The following ALPL variants were observed in gnomAD, a reference collection of about 807,000 sequenced individuals.
ALPL encodes alkaline phosphatase, tissue-nonspecific isozyme.
ALPL carries 42 observed loss-of-function variants against 51.3 expected under a neutral mutation model. The ratio of observed to expected loss-of-function variants is 0.82; its 90% CI spans 0.64 to 1.06. ALPL has a LOEUF of 1.06. Ranked by LOEUF, ALPL falls within the 50% of genes least tolerant of loss-of-function variation. ALPL has a pLI of 0.00. For missense variants in ALPL, 589 were observed against 709.4 expected (o/e 0.83, Z 1.93); for synonymous variants, 279 against 296.4 (o/e 0.94, Z 0.60).
intron 9 of ALPL, among the ~76,000 whole-genome samples, chr1:21,575,469 G>A (rs540786871): frequency 1.3e-5 from 2 of 152,080 alleles, no homozygotes; most frequent in South Asian, 2.1e-4. Context: ...ACAGCTTCCC[G>A]GCCTGGTGAA....
intron 1 of ALPL, among the ~76,000 whole-genome samples, chr1:21,517,220 C>T (rs1643817507): frequency 6.6e-6 from 1 of 152,180 alleles, no homozygotes; most frequent in Non-Finnish European, 1.5e-5. Flanking sequence ...CTGTAATGAA[C>T]ATTTAAGGGC....
chr1:21,552,270 G>A (rs1166888696), intron 1 of ALPL, among the ~76,000 whole-genome samples: 12 of 150,718 alleles, frequency 8.0e-5, no homozygotes, highest in African/African-American at 2.9e-4. Flanking sequence ...GATCACCTGA[G>A]GTCGGGAGTT....
At chr1:21,522,023 G>T (rs527841963) in intron 1 of ALPL, among the ~76,000 whole-genome samples, 9 of 151,754 alleles carry the variant, frequency 5.9e-5, no homozygotes, top group Non-Finnish European at 1.2e-4. Context: ...TCAGTTTCAT[G>T]TGTCGACTCC....
intron 1 of ALPL, among the ~76,000 whole-genome samples, chr1:21,547,581 C>A (rs925459963): frequency 6.6e-6 from 1 of 152,240 alleles, no homozygotes; most frequent in African/African-American, 2.4e-5. Flanking sequence ...CTGCCCTAAG[C>A]TCGTTCAGCT....
chr1:21,563,317 G>C lies in ALPL; in HGVS notation c.472+33G>C, dbSNP rs1241624383. 2.5e-6 allele frequency: 4 copies of C among 1,593,452 alleles called. No individual in the cohort carries two copies. In the South Asian group the frequency reaches 4.5e-5, roughly 18 times the overall value. On this transcript the variant is annotated intron_variant, in intron 5 of 11. Transcript: ENST00000374840. ...GGGGGAGCAGTGGGGAGCAGGGCCA[G>C]CTTCGTGGCCTGTCCAGGCCTCAGT...
chr1:21,535,148 A>C (rs1031155665), intron 1 of ALPL, among the ~76,000 whole-genome samples: 6 of 152,194 alleles, frequency 3.9e-5, no homozygotes, highest in Non-Finnish European at 7.3e-5. Context: ...CTAGGCATAG[A>C]AGGTGTTTAG....
chr1:21,549,889 T>C (rs1644299419), intron 1 of ALPL, among the ~76,000 whole-genome samples: 1 of 152,076 alleles, frequency 6.6e-6, no homozygotes, highest in Admixed American at 6.6e-5. Flanking sequence ...TAGGTATAAA[T>C]CTAAGAAAAC....
In ALPL at chr1:21,577,630, C is replaced by T. The variant is rs376020180; in HGVS notation, c.1557C>T (p.Pro519=). The T allele has an allele frequency of 1.1e-5, 17 of 1,598,374 alleles. No homozygotes were observed. The highest frequency in any genetic ancestry group is 2.2e-5 in the East Asian group (1 of 44,780). Residue 519 remains proline (P), a synonymous_variant, in exon 12 of 12, where the codon CCC becomes CCT. Coordinates refer to ENST00000374840, the MANE Select transcript of ALPL (RefSeq NM_000478.6). ...TGCTGCTCGCGCTGGCCCTCTACCC[C>T]CTGAGCGTCCTGTTCTGAGGGCCCA... ...GPLLLALALY[P]LSVLF
Position 21,553,075 on chromosome 1 carries a change from T to TTAAAA in ALPL, c.-104-903_-104-902insTAAAA, listed in dbSNP as rs1553410594. Among the ~76,000 whole-genome samples the TTAAAA allele has an allele frequency of 7.3e-5, 11 of 151,610 alleles. No homozygotes were observed. The South Asian group carries it at 1.2e-3, about 17-fold the overall frequency. On this transcript the variant is annotated intron_variant, in intron 1 of 11. Transcript: ENST00000374840. ...AGGCTACTTGGAAAATTCAAAAAAA[T>TTAAAA]AAAGAGGAAATAATCATTCATAGTC...
At chr1:21,526,803 G>C (rs184791038) in intron 1 of ALPL, among the ~76,000 whole-genome samples, 20 of 152,082 alleles carry the variant, frequency 1.3e-4, no homozygotes, top group Admixed American at 8.5e-4. Flanking sequence ...AATTTGTTCT[G>C]CTTTTTCTGT....
At chr1:21,569,576 G>T (rs16825590) in intron 7 of ALPL, among the ~76,000 whole-genome samples, 27,782 of 151,992 alleles carry the variant, frequency 0.18, 3,085 homozygotes, top group East Asian at 0.45. Flanking sequence ...GGCTGGGAGG[G>T]GGGGTGCGGA....
chr1:21,570,183 G>C (rs1485001357), intron 7 of ALPL, 122 bp from the exon 8 acceptor site: 3 of 965,334 alleles, frequency 3.1e-6, no homozygotes, highest in Non-Finnish European at 4.9e-6. Context: ...TGGGTCCTCA[G>C]GGAGAGATTT....
chr1:21,513,021 C>T lies in ALPL; in HGVS notation c.-105+3504C>T, dbSNP rs114273186. 1.8e-3 allele frequency among the ~76,000 whole-genome samples: 275 copies of T among 152,092 alleles called. 1 individual carries two copies. Among genetic ancestry groups the T allele is most frequent in the African/African-American group, 6.5e-3 (270 of 41,484 alleles). On this transcript the variant is annotated intron_variant, in intron 1 of 11. Transcript: ENST00000374840. ...CCAGGAGTCAGGTTTCACAAAAAGT[C>T]GTAGTGTTCTTTCCTGGCTGGTGTG...
intron 1 of ALPL, among the ~76,000 whole-genome samples, chr1:21,543,988 G>C (rs1402682080): frequency 6.6e-6 from 1 of 152,216 alleles, no homozygotes; most frequent in Non-Finnish European, 1.5e-5. Flanking sequence ...AGAGAGCTTG[G>C]CACAGGGGTG....
intron 7 of ALPL, among the ~76,000 whole-genome samples, chr1:21,568,522 T>C (rs1048821297): frequency 3.3e-5 from 5 of 151,686 alleles, no homozygotes; most frequent in African/African-American, 7.3e-5. Flanking sequence ...GAGCACCTAT[T>C]GTATGTAGGC....
chr1:21,559,423 C>T (rs1315800986), intron 2 of ALPL, among the ~76,000 whole-genome samples: 3 of 152,258 alleles, frequency 2.0e-5, no homozygotes, highest in Admixed American at 2.0e-4. Flanking sequence ...GTCCTTAGAG[C>T]GACCCTGAGG....
intron 2 of ALPL, among the ~76,000 whole-genome samples, chr1:21,555,058 G>A (rs1644395512): frequency 6.6e-6 from 1 of 151,748 alleles, no homozygotes; most frequent in Non-Finnish European, 1.5e-5. Flanking sequence ...AGTCCAAAAA[G>A]AGAGTCAGCC....
Position 21,575,737 on chromosome 1 carries a change from C to T in ALPL, c.1002C>T (p.Gly334=), listed in dbSNP as rs370122334. 327 of 1,614,050 alleles carry T rather than the reference C, an allele frequency of 2.0e-4. 2 individuals carry two copies. Among genetic ancestry groups the T allele is most frequent in the African/African-American group, 4.0e-5 (3 of 74,924 alleles). Residue 334 remains glycine, a synonymous_variant, in exon 10 of 12, where the codon GGC becomes GGT. Coordinates refer to ENST00000374840, the MANE Select transcript of ALPL (RefSeq NM_000478.6). The part of the protein sequence containing the change: ...PKGFFLLVEG[G]RIDHGHHEGK... The stretch of plus-strand genomic sequence containing the variant: ...CCTTTGCCTTGGTGTCCCAAGGAGG[C>T]AGAATTGACCACGGGCACCATGAAG...
chr1:21,561,276 C>A (rs536457616), intron 4 of ALPL, 64 bp downstream of exon 4: 71 of 1,420,956 alleles, frequency 5.0e-5, no homozygotes, highest in Non-Finnish European at 6.6e-5. Flanking sequence ...AGCATCTGAA[C>A]ATGACAGCAG....
Sources: allele counts gnomAD v4.1 joint callset (sites outside exome capture counted in the v4.1 genomes callset), GRCh38; gene constraint gnomAD v4.1.1; transcripts MANE v1.5; gene names NCBI Gene and HGNC (gene_info 2026-07-23, HGNC 2026-07-21).